ZHX3: variants seen among roughly 807,000 people sequenced by gnomAD.
ZHX3 encodes zinc fingers and homeoboxes 3, also known as zinc fingers and homeoboxes protein 3.
In ZHX3, 20 loss-of-function variants were observed where a neutral mutation model predicts 64.5. The ratio of observed to expected loss-of-function variants is 0.31; its 90% confidence interval spans 0.22 to 0.45. ZHX3 has a LOEUF of 0.45. ZHX3 is among the 20% of genes least tolerant of loss of function. ZHX3 has a pLI of 1.00. For missense variants in ZHX3, 1,041 were observed against 1,195.8 expected (o/e 0.87, Z 1.91); for synonymous variants, 423 against 461.6 (o/e 0.92, Z 1.07).
chr20:41,208,576 A>T (rs983586764), intron 2 of ZHX3, among the ~76,000 whole-genome samples: 2 of 152,232 alleles, frequency 1.3e-5, no homozygotes. Flanking sequence ...TATAAACAGA[A>T]CCAAAGACAA....
At chr20:41,305,105 C>T (rs989683203) in intron 1 of ZHX3, among the ~76,000 whole-genome samples, 3 of 152,218 alleles carry the variant, frequency 2.0e-5, no homozygotes, top group African/African-American at 7.2e-5. Context: ...GAAAAGGTCA[C>T]ATTTTATGAG....
Position 41,204,371 on chromosome 20 carries a change from G to A in ZHX3, c.546C>T (p.Thr182=), listed in dbSNP as rs201023587. The A allele has an allele frequency of 3.1e-5, 50 of 1,614,034 alleles. No individual in the cohort carries two copies. The highest frequency in any genetic ancestry group is 3.4e-6 in the Non-Finnish European group (4 of 1,180,046). Residue 182 remains threonine (T), a synonymous_variant, in exon 3 of 4, where the codon ACC becomes ACT. Transcript: ENST00000683867. The surrounding 1 kb of genome is among the most constrained non-coding windows in gnomAD (Gnocchi z 6.6). The part of the protein sequence containing the change: ...GADGQAEIII[T]KTPIMKIMKG... Reference sequence around the variant, plus strand: ...TCATTATCTTCATGATTGGAGTTTTGGTAATGATGATTTCTGCCTGTCCAT... The same window carrying A: ...TCATTATCTTCATGATTGGAGTTTTAGTAATGATGATTTCTGCCTGTCCAT...
intron 2 of ZHX3, among the ~76,000 whole-genome samples, chr20:41,233,719 A>G (rs537442139): frequency 6.6e-6 from 1 of 152,356 alleles, no homozygotes; most frequent in African/African-American, 2.4e-5. Context: ...AGACCGGACA[A>G]GAACTATCAG....
intron 1 of ZHX3, chr20:41,300,006 C>T (rs6029617): frequency 0.18 from 27,175 of 151,896 alleles, 4,009 homozygotes; most frequent in African/African-American, 0.41. Flanking sequence ...TTTCTTTTTC[C>T]TTCACCACAA....
chr20:41,230,290 G>C (rs944109479), intron 2 of ZHX3, among the ~76,000 whole-genome samples: 1 of 152,050 alleles, frequency 6.6e-6, no homozygotes, highest in African/African-American at 2.4e-5. Flanking sequence ...AGATGCTTCA[G>C]ACTGGAGCCA....
Position 41,228,840 on chromosome 20 carries a change from T to C in ZHX3, c.-150-23774A>G, listed in dbSNP as rs1448631859. Among the ~76,000 whole-genome samples the C allele has an allele frequency of 6.6e-6, 1 of 152,236 alleles. No homozygotes were observed. Among genetic ancestry groups the C allele is most frequent in the Non-Finnish European group, 1.5e-5 (1 of 68,038 alleles). ...CTTTTCTCTTTTCCCACATGAAATG[T>C]TAATGGTCTCGGAAGCACTTAACAT... On this transcript the variant is annotated intron_variant, in intron 2 of 3. Transcript: ENST00000683867. This position sits in a 1 kb window ranked among gnomAD's most constrained non-coding sequence, Gnocchi z 4.6.
intron 2 of ZHX3, among the ~76,000 whole-genome samples, chr20:41,260,022 A>G (rs184015107): frequency 1.2e-4 from 18 of 152,320 alleles, no homozygotes; most frequent in Non-Finnish European, 2.5e-4. Flanking sequence ...CAAGATACAC[A>G]TGACACAAAA....
intron 1 of ZHX3, among the ~76,000 whole-genome samples, chr20:41,276,381 AT>A (rs1293635920): frequency 6.6e-6 from 1 of 152,002 alleles, no homozygotes; most frequent in Non-Finnish European, 1.5e-5. Context: ...ACTTTGGGAA[AT>A]TTGCTGCAAG....
At chr20:41,282,763 G>A (rs1044582959) in intron 1 of ZHX3, among the ~76,000 whole-genome samples, 4 of 152,022 alleles carry the variant, frequency 2.6e-5, no homozygotes, top group African/African-American at 9.7e-5. Context: ...GGGCAAACAA[G>A]GAATCTAATA....
rs1450734996 is a variant in ZHX3, at chr20:41,181,503, G to A, written c.*3688C>T. On this transcript the variant is annotated 3_prime_UTR_variant, in exon 4 of 4. Transcript: ENST00000683867. ...CCACTTGGGGTGTGATATCTGAACTGAAAAAGCTGCACCAATCTGAGGATA... is the reference window on the plus strand; with the variant it reads ...CCACTTGGGGTGTGATATCTGAACTAAAAAAGCTGCACCAATCTGAGGATA... The A allele has an allele frequency of 6.6e-6, 1 of 152,122 alleles. No homozygotes were observed. The highest frequency in any genetic ancestry group is 2.4e-5 in the African/African-American group (1 of 41,402). 9.4% of individuals were successfully genotyped at this position (152,122 alleles called of 1,614,324 possible).
chr20:41,228,739 A>G lies in ZHX3; in HGVS notation c.-150-23673T>C, dbSNP rs1306068764. 6.6e-6 allele frequency among the ~76,000 whole-genome samples: 1 copy of G among 152,206 alleles called. No individual in the cohort carries two copies. Among genetic ancestry groups the G allele is most frequent in the Non-Finnish European group, 1.5e-5 (1 of 68,030 alleles). On this transcript the variant is annotated intron_variant, in intron 2 of 3. Coordinates refer to ENST00000683867, the MANE Select transcript of ZHX3 (RefSeq NM_001384317.1). The surrounding 1 kb of genome is among the most constrained non-coding windows in gnomAD (Gnocchi z 4.6). ...TCAACACGTGAATTTTAGGAGATAC[A>G]TTCAGTCCACTGCACCATACATCCA...
In ZHX3 at chr20:41,205,086, A is replaced by C. The variant is rs1388474462; in HGVS notation, c.-150-20T>G. Reference sequence around the variant, plus strand: ...TTCAATCTAAGGAAAGGGAGAAAAAAATGATTAAGTTCTCTTAAGTGCTTT... The same window carrying C: ...TTCAATCTAAGGAAAGGGAGAAAAACATGATTAAGTTCTCTTAAGTGCTTT... On this transcript the variant is annotated intron_variant, in intron 2 of 3. Coordinates refer to ENST00000683867, the MANE Select transcript of ZHX3 (RefSeq NM_001384317.1). The C allele has an allele frequency of 8.5e-7, 1 of 1,177,482 alleles. No individual in the cohort carries two copies. Among genetic ancestry groups the C allele is most frequent in the East Asian group, 2.9e-5 (1 of 34,772 alleles). The allele number at this position is 1,177,482 out of a possible 1,614,324, so 72.9% of individuals were successfully genotyped here. A position where few individuals can be genotyped will look rare whatever the true frequency, so the allele number is the denominator to read the frequency against.
chr20:41,289,620 T>A (rs2044124503), intron 1 of ZHX3, among the ~76,000 whole-genome samples: 1 of 152,104 alleles, frequency 6.6e-6, no homozygotes, highest in Admixed American at 6.6e-5. Context: ...AATAAAACGT[T>A]TGGCTATGTC....
intron 1 of ZHX3, among the ~76,000 whole-genome samples, chr20:41,301,528 C>A (rs578185920): frequency 6.6e-6 from 1 of 152,276 alleles, no homozygotes; most frequent in Admixed American, 6.5e-5. Context: ...TAAGAACAGT[C>A]CTGCCTTAGG....
At chr20:41,251,366 C>T (rs1056114889) in intron 2 of ZHX3, among the ~76,000 whole-genome samples, 5 of 152,092 alleles carry the variant, frequency 3.3e-5, no homozygotes, top group Non-Finnish European at 7.4e-5. Context: ...TGGTAAAATA[C>T]TGATCATAGT....
chr20:41,303,559 C>A (rs2044886846), intron 1 of ZHX3, among the ~76,000 whole-genome samples: 1 of 152,192 alleles, frequency 6.6e-6, no homozygotes, highest in South Asian at 2.1e-4. Flanking sequence ...GGCAAAAATT[C>A]CAGCCCCTTG....
At chr20:41,313,231 G>A (rs2045193388) in intron 1 of ZHX3, among the ~76,000 whole-genome samples, 4 of 152,182 alleles carry the variant, frequency 2.6e-5, no homozygotes, top group African/African-American at 9.7e-5. Flanking sequence ...TTCGAAGCTT[G>A]AGAGGGAGAT....
At chr20:41,187,705 T>C (rs2036640338) in intron 3 of ZHX3, among the ~76,000 whole-genome samples, 1 of 152,250 alleles carries the variant, frequency 6.6e-6, no homozygotes, top group South Asian at 2.1e-4. Flanking sequence ...CAAGTGAGTG[T>C]GACTCCTTCA....
intron 1 of ZHX3, among the ~76,000 whole-genome samples, chr20:41,281,515 A>G (rs1380486195): frequency 6.6e-6 from 1 of 152,256 alleles, no homozygotes; most frequent in Non-Finnish European, 1.5e-5. Context: ...GAAAAAAGAT[A>G]TAATGTAGAA....
Sources: gnomAD v4.1 joint callset for allele counts (sites outside exome capture counted in the v4.1 genomes callset) on GRCh38, gnomAD v4.1.1 for gene constraint, Gnocchi (gnomAD v3.1) non-coding constraint, MANE v1.5 for transcripts, NCBI Gene and HGNC (gene_info 2026-07-23, HGNC 2026-07-21) for gene names.